The following AP4S1 variants were observed in gnomAD, a reference collection of about 807,000 sequenced individuals.
The protein encoded by AP4S1 is adaptor related protein complex 4 subunit sigma 1, also known as AP-4 complex subunit sigma-1.
In AP4S1, 23 loss-of-function variants were observed where a neutral mutation model predicts 19.8. The observed-to-expected ratio is 1.16, with a 90% CI of 0.84 to 1.65. The LOEUF is 1.65. AP4S1 is among the 40% of genes most tolerant of loss of function. The pLI is 0.00. For synonymous variants in AP4S1, 46 were observed against 54.1 expected, an observed-to-expected ratio of 0.85 and a Z score of 0.66; for missense variants, 166 against 172.8, an observed-to-expected ratio of 0.96 and a Z score of 0.22.
Position 31,092,866 on chromosome 14 carries a change from T to A in AP4S1, c.307-41T>A, listed in dbSNP as rs58023664. Reference sequence around the variant, plus strand: ...GCCATAAATTTTTACTGAATGTTAATAATTTTTAACTTTAAACTAATTTCC... The same window carrying A: ...GCCATAAATTTTTACTGAATGTTAAAAATTTTTAACTTTAAACTAATTTCC... On this transcript the variant is annotated intron_variant, in intron 5 of 5. Transcript: ENST00000542754. 6,470 of 1,430,244 alleles carry A rather than the reference T, an allele frequency of 4.5e-3. 239 individuals carry two copies. In the African/African-American group the frequency reaches 0.081, roughly 18 times the overall value. The allele number at this position is 1,430,244 out of a possible 1,614,324, so 88.6% of individuals were successfully genotyped here. A position where few individuals can be genotyped will look rare whatever the true frequency, so the allele number is the denominator to read the frequency against.
intron 1 of AP4S1, chr14:31,026,218 A>G: frequency 7.2e-7 from 1 of 1,382,314 alleles, no homozygotes; most frequent in Non-Finnish European, 9.3e-7. Context: ...GCGCAGGGCG[A>G]GACGCCGACA....
intron 2 of AP4S1, among the ~76,000 whole-genome samples, chr14:31,068,214 A>G (rs1169509248): frequency 6.6e-6 from 1 of 152,228 alleles, no homozygotes; most frequent in Non-Finnish European, 1.5e-5. Context: ...GAATTACTTA[A>G]TCCGGTCCTA....
chr14:31,068,262 G>C (rs1886832395), intron 2 of AP4S1, among the ~76,000 whole-genome samples: 1 of 152,220 alleles, frequency 6.6e-6, no homozygotes, highest in Non-Finnish European at 1.5e-5. Flanking sequence ...CAACAACTGA[G>C]GGAAAATCAG....
chr14:31,062,743 G>A (rs901741442), intron 1 of AP4S1, among the ~76,000 whole-genome samples: 5 of 151,062 alleles, frequency 3.3e-5, no homozygotes, highest in East Asian at 2.0e-4. Flanking sequence ...CAAGGTAGGC[G>A]GATCACGAGG....
chr14:31,088,243 G>A (rs1235071643), intron 5 of AP4S1, among the ~76,000 whole-genome samples: 6 of 152,034 alleles, frequency 3.9e-5, no homozygotes, highest in African/African-American at 9.7e-5. Context: ...ATATTCATCC[G>A]CCAGCATTCC....
At chr14:31,050,253 A>G (rs189813970) in intron 1 of AP4S1, among the ~76,000 whole-genome samples, 91 of 151,886 alleles carry the variant, frequency 6.0e-4, no homozygotes, top group Middle Eastern at 3.4e-3. Flanking sequence ...AAACGGTTTC[A>G]CCATGTTAGC....
intron 1 of AP4S1, among the ~76,000 whole-genome samples, chr14:31,055,024 CA>C (rs1318637589): frequency 1.3e-5 from 2 of 151,206 alleles, no homozygotes; most frequent in Admixed American, 1.3e-4. Context: ...AAATCCCAAT[CA>C]GGGGACATTC....
Position 31,069,915 on chromosome 14 carries a change from G to A in AP4S1, c.211G>A (p.Val71Ile). The part of the protein sequence containing the change: ...QYAALFIVVG[V>I]NDTENEMAIY... Reference sequence around the variant, plus strand: ...TGCAGCTCTCTTCATTGTGGTTGGAGTTAATGACACTGAGGTAAGATAATA... The same window carrying A: ...TGCAGCTCTCTTCATTGTGGTTGGAATTAATGACACTGAGGTAAGATAATA... Residue 71 changes from valine to isoleucine, a missense_variant, in exon 3 of 6, where the codon GTT (valine) becomes ATT (isoleucine). Val to Ile is a conservative substitution (Grantham distance 29, BLOSUM62 3). Transcript: ENST00000542754. 6.2e-7 allele frequency: 1 copy of A among 1,611,562 alleles called. No homozygotes were observed.
intron 1 of AP4S1, among the ~76,000 whole-genome samples, chr14:31,042,737 A>G (rs997062262): frequency 6.6e-6 from 1 of 152,218 alleles, no homozygotes; most frequent in East Asian, 1.9e-4. Flanking sequence ...TTGAAAATAC[A>G]GTATCCTTTT....
intron 1 of AP4S1, among the ~76,000 whole-genome samples, chr14:31,065,526 A>C (rs1479541725): frequency 3.9e-5 from 6 of 152,350 alleles, no homozygotes; most frequent in African/African-American, 1.4e-4. Context: ...GGTGCTTGAC[A>C]CATCGTTGTT....
intron 1 of AP4S1, among the ~76,000 whole-genome samples, chr14:31,064,432 C>T (rs1886607394): frequency 6.6e-6 from 1 of 152,104 alleles, no homozygotes; most frequent in South Asian, 2.1e-4. Context: ...AGCAATTCTC[C>T]TGCCTCAGCC....
At chr14:31,061,305 C>G (rs537646253) in intron 1 of AP4S1, among the ~76,000 whole-genome samples, 1 of 152,314 alleles carries the variant, frequency 6.6e-6, no homozygotes, top group East Asian at 1.9e-4. Flanking sequence ...CGGCGTGAGC[C>G]ACCGCTTGCC....
chr14:31,092,743 A>G (rs1888108731), intron 5 of AP4S1, among the ~76,000 whole-genome samples, 164 bp from the exon 6 acceptor site: 1 of 152,196 alleles, frequency 6.6e-6, no homozygotes, highest in South Asian at 2.1e-4. Flanking sequence ...GAAGGTAACA[A>G]TTTCTAATAT....
At chr14:31,049,031 C>G (rs182621316) in intron 1 of AP4S1, among the ~76,000 whole-genome samples, 234 of 151,620 alleles carry the variant, frequency 1.5e-3, no homozygotes, top group African/African-American at 5.0e-3. Context: ...GGCAGATCAC[C>G]CTAGGTCAGG....
intron 1 of AP4S1, among the ~76,000 whole-genome samples, chr14:31,044,395 A>T (rs946064142): frequency 1.3e-5 from 2 of 152,204 alleles, no homozygotes; most frequent in East Asian, 3.9e-4. Context: ...AAACTAGAGT[A>T]TTGTGGCATA....
intron 5 of AP4S1, among the ~76,000 whole-genome samples, chr14:31,083,956 T>A (rs1231309721): frequency 6.6e-6 from 1 of 152,212 alleles, no homozygotes; most frequent in African/African-American, 2.4e-5. Flanking sequence ...CTGCAGTTCC[T>A]GCTCCATCTG....
chr14:31,087,730 G>A (rs1043596051), intron 5 of AP4S1, among the ~76,000 whole-genome samples: 35 of 152,242 alleles, frequency 2.3e-4, no homozygotes, highest in African/African-American at 7.2e-4. Flanking sequence ...AAACATGCCT[G>A]TCACCATGGT....
At chr14:31,035,054 G>A (rs1884645953) in intron 1 of AP4S1, among the ~76,000 whole-genome samples, 2 of 152,050 alleles carry the variant, frequency 1.3e-5, no homozygotes, top group African/African-American at 4.8e-5. Context: ...GTGAAGAAAT[G>A]TTTAACGTAA....
At chr14:31,052,113 A>T (rs570607186) in intron 1 of AP4S1, among the ~76,000 whole-genome samples, 4 of 152,064 alleles carry the variant, frequency 2.6e-5, no homozygotes, top group Non-Finnish European at 5.9e-5. Flanking sequence ...TTTACAAAAA[A>T]TACAAAAATT....
Sources: gnomAD v4.1 joint callset for allele counts (sites outside exome capture counted in the v4.1 genomes callset) on GRCh38, gnomAD v4.1.1 for gene constraint, MANE v1.5 for transcripts, NCBI Gene and HGNC (gene_info 2026-07-23, HGNC 2026-07-21) for gene names.